The following ZNF680 variants were observed in gnomAD, a reference collection of about 807,000 sequenced individuals.
ZNF680 encodes hypothetical protein FLJ90430.
Under a neutral mutation model 12.1 loss-of-function variants are expected in ZNF680, and 6 were observed. The observed-to-expected ratio is 0.49, with a 90% CI of 0.27 to 0.98. The LOEUF is 0.98. Ranked by LOEUF, ZNF680 falls within the 50% of genes least tolerant of loss-of-function variation. The pLI is 0.12. For synonymous variants in ZNF680, 170 were observed against 199.3 expected (o/e 0.85, Z 1.24); for missense variants, 561 against 616.3 (o/e 0.91, Z 0.95).
chr7:64,548,286 C>T (rs1247423008), intron 1 of ZNF680, among the ~76,000 whole-genome samples: 1 of 152,168 alleles, frequency 6.6e-6, no homozygotes, highest in Non-Finnish European at 1.5e-5. Flanking sequence ...CAAACAATAA[C>T]AACTCTTCTG....
chr7:64,521,968 T>C lies in ZNF680; in HGVS notation c.786A>G (p.Glu262=), dbSNP rs1431719017. ...ATTCTTCACATTTGAAGGGTTTCTC[T>C]TCAATATGAATTTTCTTATGTTTAA... ...TLIKHKKIHI[E]EKPFKCEECG... is the part of the protein sequence containing the mutation. Residue 262 remains glutamate, a synonymous_variant, in exon 4 of 4, where the codon GAA becomes GAG. Coordinates refer to ENST00000309683, the MANE Select transcript of ZNF680 (RefSeq NM_178558.5). 2 of 1,612,592 alleles carry C rather than the reference T, an allele frequency of 1.2e-6. No homozygotes were observed. The highest frequency in any genetic ancestry group is 2.2e-5 in the South Asian group (2 of 90,978).
the ZNF680 span, among the ~76,000 whole-genome samples, chr7:64,507,518 A>ATT: frequency 6.1e-4 from 91 of 148,758 alleles, no homozygotes; most frequent in African/African-American, 8.6e-4. Context: ...CAATTATTCT[A>ATT]TTTTTTTTTT....
chr7:64,536,538 T>C (rs909848078), intron 3 of ZNF680, among the ~76,000 whole-genome samples: 7 of 152,200 alleles, frequency 4.6e-5, no homozygotes, highest in Middle Eastern at 3.2e-3. Context: ...GATGGCGTCA[T>C]GCCATTCATG....
chr7:64,499,845 C>G, the ZNF680 span, among the ~76,000 whole-genome samples: 1 of 152,310 alleles, frequency 6.6e-6, no homozygotes, highest in African/African-American at 2.4e-5. Flanking sequence ...ACAATGGGCC[C>G]CAGTAAAACA....
intron 3 of ZNF680, among the ~76,000 whole-genome samples, chr7:64,527,992 A>C (rs1202315179): frequency 2.0e-5 from 3 of 152,222 alleles, no homozygotes; most frequent in Non-Finnish European, 4.4e-5. Context: ...TACAAACTGC[A>C]GAAGTGGAAA....
intron 1 of ZNF680, among the ~76,000 whole-genome samples, chr7:64,558,893 G>A (rs956659838): frequency 7.3e-5 from 11 of 150,396 alleles, no homozygotes; most frequent in African/African-American, 2.4e-4. Flanking sequence ...TTTTTCCAAA[G>A]AATGTTTTGG....
In ZNF680 at chr7:64,521,943, A is replaced by T. The variant is rs1408470254; in HGVS notation, c.811T>A (p.Cys271Ser). 2 of 1,613,026 alleles carry T rather than the reference A, an allele frequency of 1.2e-6. No individual in the cohort carries two copies. Among genetic ancestry groups the T allele is most frequent in the Admixed American group, 1.7e-5 (1 of 59,910 alleles). Residue 271 changes from cysteine to serine, a missense_variant, in exon 4 of 4, where the codon TGT becomes AGT. By Grantham distance (112) the Cys-to-Ser change is moderately radical. Coordinates refer to ENST00000309683, the MANE Select transcript of ZNF680 (RefSeq NM_178558.5). ...IEEKPFKCEECGKAFSLFSIL... is the reference protein window; with the variant it reads ...IEEKPFKCEESGKAFSLFSIL... The stretch of plus-strand genomic sequence containing the variant: ...GAGAATAAACTAAAGGCTTTGCCAC[A>T]TTCTTCACATTTGAAGGGTTTCTCT...
chr7:64,548,543 C>T (rs1232173023), intron 1 of ZNF680, among the ~76,000 whole-genome samples: 1 of 152,094 alleles, frequency 6.6e-6, no homozygotes, highest in Admixed American at 6.6e-5. Context: ...GTCTCCAGAC[C>T]CTTTCCTTTT....
chr7:64,550,962 G>A (rs1330777111), intron 1 of ZNF680, among the ~76,000 whole-genome samples: 2 of 152,138 alleles, frequency 1.3e-5, no homozygotes, highest in Non-Finnish European at 2.9e-5. Flanking sequence ...CACAATGACT[G>A]AACAGAAATA....
chr7:64,563,071 C>T lies in ZNF680; in HGVS notation c.-117G>A. 1.6e-6 allele frequency: 2 copies of T among 1,242,522 alleles called. No individual in the cohort carries two copies. The highest frequency in any genetic ancestry group is 2.3e-6 in the Non-Finnish European group (2 of 865,190). The allele number at this position is 1,242,522 out of a possible 1,614,324, so 77.0% of individuals were successfully genotyped here. ...CTGGAGCTCCCGCAGCAGCTAGAGA[C>T]AAAGGCCCCGCCAAATCCCGGAAGC... On this transcript the variant is annotated 5_prime_UTR_variant, in exon 1 of 4. Transcript: ENST00000309683.
intron 3 of ZNF680, among the ~76,000 whole-genome samples, chr7:64,533,683 G>A (rs529443018): frequency 7.0e-6 from 1 of 142,758 alleles, no homozygotes; most frequent in Admixed American, 7.0e-5. Flanking sequence ...AATGTATACA[G>A]AACGAAAAAA....
downstream of ZNF680, among the ~76,000 whole-genome samples, chr7:64,514,910 G>A (rs192602757): frequency 6.6e-5 from 10 of 152,164 alleles, no homozygotes; most frequent in Middle Eastern, 3.4e-3. Context: ...GGGCGTGGTC[G>A]CGCATGCTTG....
chr7:64,504,681 G>A, the ZNF680 span, among the ~76,000 whole-genome samples: 1 of 152,070 alleles, frequency 6.6e-6, no homozygotes, highest in Admixed American at 6.5e-5. Flanking sequence ...AGAAAAAACT[G>A]GTATCTCTGC....
At chr7:64,557,026 G>A (rs1487126249) in intron 1 of ZNF680, among the ~76,000 whole-genome samples, 12 of 152,050 alleles carry the variant, frequency 7.9e-5, no homozygotes, top group African/African-American at 2.2e-4. Context: ...CAAGGCGGGC[G>A]GATCACGAGG....
At chr7:64,554,145 T>G (rs1787254046) in intron 1 of ZNF680, among the ~76,000 whole-genome samples, 1 of 148,940 alleles carries the variant, frequency 6.7e-6, no homozygotes, top group African/African-American at 2.5e-5. Flanking sequence ...GTGAGGAGCG[T>G]CTCTGCCCGG....
intron 1 of ZNF680, among the ~76,000 whole-genome samples, chr7:64,547,766 C>T (rs77498752): frequency 6.6e-6 from 1 of 152,080 alleles, no homozygotes; most frequent in Non-Finnish European, 1.5e-5. Context: ...ACTACTAAAT[C>T]TGCAGTAATA....
At chr7:64,542,405 G>A (rs998308054) in intron 3 of ZNF680, among the ~76,000 whole-genome samples, 6 of 152,134 alleles carry the variant, frequency 3.9e-5, no homozygotes, top group Non-Finnish European at 8.8e-5. Flanking sequence ...TAAACTCACT[G>A]AAATTGAAGA....
At chr7:64,539,762 A>T (rs1453047747) in intron 3 of ZNF680, among the ~76,000 whole-genome samples, 1 of 152,164 alleles carries the variant, frequency 6.6e-6, no homozygotes, top group East Asian at 1.9e-4. Flanking sequence ...ATCCTCCCCC[A>T]TCAATCTCCC....
the ZNF680 span, among the ~76,000 whole-genome samples, chr7:64,511,488 A>G: frequency 4.2e-4 from 64 of 152,168 alleles, no homozygotes; most frequent in Non-Finnish European, 6.9e-4. Flanking sequence ...TACACCTCAC[A>G]CAGTACTGCA....
Sources: allele counts gnomAD v4.1 joint callset (sites outside exome capture counted in the v4.1 genomes callset), GRCh38; gene constraint gnomAD v4.1.1; transcripts MANE v1.5; gene names NCBI Gene and HGNC (gene_info 2026-07-23, HGNC 2026-07-21).